Variants in PCDHGB4 observed in about 807,000 individuals in gnomAD.
PCDHGB4 encodes the protein protocadherin gamma-B4.
A neutral mutation model predicts 60.5 loss-of-function variants in PCDHGB4; 38 were observed. That is an observed-to-expected ratio of 0.63 (90% CI 0.48 to 0.82). The LOEUF (loss-of-function observed/expected upper bound fraction) is 0.82. Ranked by LOEUF, PCDHGB4 falls within the 40% of genes least tolerant of loss-of-function variation. The probability of loss-of-function intolerance (pLI) is 0.00; values close to 1 mark genes in which losing one functional copy is unlikely to be tolerated. For missense variants in PCDHGB4, 1,109 were observed against 1,209.6 expected (o/e 0.92, Z 1.23); for synonymous variants, 456 against 509.7 (o/e 0.89, Z 1.42).
intron 1 of PCDHGB4, chr5:141,415,086 G>C: frequency 5.6e-6 from 9 of 1,613,554 alleles, no homozygotes; most frequent in Non-Finnish European, 6.8e-6. Context: ...GAGCCCTGCT[G>C]GACAGAGACG....
intron 1 of PCDHGB4, chr5:141,405,038 G>C: frequency 6.2e-7 from 1 of 1,613,964 alleles, no homozygotes; most frequent in Non-Finnish European, 8.5e-7. Context: ...CCTCGTTGTG[G>C]CTGTGGCAGT....
chr5:141,471,444 A>T (rs1366430114), intron 1 of PCDHGB4: 1 of 152,150 alleles, frequency 6.6e-6, no homozygotes, highest in Non-Finnish European at 1.5e-5. Flanking sequence ...AATCTCATGT[A>T]CCTTTTGAAA....
rs926009065 is a variant in PCDHGB4, at chr5:141,488,023, AG to A, written c.2398-6782del. ...TCAGATTCTGAAGTACCTTAACTCT[AG>A]GTTACCATTTCCCAAGGGATTGAGG... On this transcript the variant is annotated intron_variant, in intron 1 of 3. Transcript: ENST00000519479. 1.4e-3 allele frequency among the ~76,000 whole-genome samples: 213 copies of A among 152,260 alleles called. 1 individual carries two copies. The highest frequency in any genetic ancestry group is 5.0e-3 in the African/African-American group (208 of 41,542).
chr5:141,426,276 C>A, intron 1 of PCDHGB4: 1 of 164,340 alleles, frequency 6.1e-6, no homozygotes, highest in South Asian at 1.6e-4. Context: ...TGCAGCAACG[C>A]ATGGGAAGGA....
rs2154532733 is a variant in PCDHGB4, at chr5:141,403,281, T to C, written c.2397+13000T>C. ...TGTCTGGTGAACTTTAAAGTCCTGGTTGAAGACAGAGTGAAACTGTACGGA... is the reference window on the plus strand; with the variant it reads ...TGTCTGGTGAACTTTAAAGTCCTGGCTGAAGACAGAGTGAAACTGTACGGA... On this transcript the variant is annotated intron_variant, in intron 1 of 3. Transcript: ENST00000519479. The C allele has an allele frequency of 2.5e-6, 4 of 1,613,908 alleles. No individual in the cohort carries two copies. Among genetic ancestry groups the C allele is most frequent in the African/African-American group, 1.3e-5 (1 of 75,080 alleles).
intron 1 of PCDHGB4, chr5:141,410,904 A>G (rs2095446600): frequency 3.8e-6 from 1 of 262,528 alleles, no homozygotes; most frequent in African/African-American, 3.2e-5. Flanking sequence ...CCTAGGCTGG[A>G]GTGCAGTGGC....
intron 1 of PCDHGB4, among the ~76,000 whole-genome samples, chr5:141,425,471 T>A (rs2096877403): frequency 6.6e-6 from 1 of 152,218 alleles, no homozygotes; most frequent in African/African-American, 2.4e-5. Flanking sequence ...TGTTATTAAT[T>A]CCTATGGCAA....
intron 1 of PCDHGB4, chr5:141,392,843 C>T (rs77141792): frequency 0.027 from 43,247 of 1,608,962 alleles, 854 homozygotes; most frequent in African/African-American, 0.093. Context: ...GCCCCAGACG[C>T]GGCGAGCTGA....
rs949391796 is a variant in PCDHGB4 at position 141,493,050 on chromosome 5, A to G, written c.2398-1757A>G. 6.6e-6 allele frequency among the ~76,000 whole-genome samples: 1 copy of G among 152,262 alleles called. No homozygotes were observed. The highest frequency in any genetic ancestry group is 2.4e-5 in the African/African-American group (1 of 41,464). On this transcript the variant is annotated intron_variant, in intron 1 of 3. Coordinates refer to ENST00000519479, the MANE Select transcript of PCDHGB4 (RefSeq NM_003736.4). The surrounding 1 kb of genome is among the most constrained non-coding windows in gnomAD (Gnocchi z 4.3). Reference sequence around the variant, plus strand: ...CCCTTATGTGTGAGGAAACTACAATAGTAAAAAACACAAGTTTCTCCAACT... The same window carrying G: ...CCCTTATGTGTGAGGAAACTACAATGGTAAAAAACACAAGTTTCTCCAACT...
rs1364415249 is a variant in PCDHGB4 at position 141,489,240 on chromosome 5, C to A, written c.2398-5567C>A. The stretch of plus-strand genomic sequence containing the variant: ...ACTCTCCACAAAGGGACTTCTGGGT[C>A]ATGGGGCCCAAGACACTCCCACAGC... On this transcript the variant is annotated intron_variant, in intron 1 of 3. Coordinates refer to ENST00000519479, the MANE Select transcript of PCDHGB4 (RefSeq NM_003736.4). The surrounding 1 kb of genome is among the most constrained non-coding windows in gnomAD (Gnocchi z 4.5). 1 of 1,534,136 alleles carries A rather than the reference C, an allele frequency of 6.5e-7. No individual in the cohort carries two copies. Among genetic ancestry groups the A allele is most frequent in the South Asian group, 1.3e-5 (1 of 76,896 alleles).
intron 1 of PCDHGB4, chr5:141,394,165 C>G (rs1228690548): frequency 6.2e-7 from 1 of 1,613,930 alleles, no homozygotes; most frequent in African/African-American, 1.3e-5. Flanking sequence ...AACCCTCCTA[C>G]TTTCCCTCAT....
At chr5:141,404,806 G>T (rs774487660) in intron 1 of PCDHGB4, 2 of 1,613,992 alleles carry the variant, frequency 1.2e-6, no homozygotes, top group South Asian at 1.1e-5. Context: ...GGCTCTTCTC[G>T]GTGGGGCTGC....
chr5:141,439,131 T>A (rs2098090046), intron 1 of PCDHGB4, among the ~76,000 whole-genome samples: 1 of 150,502 alleles, frequency 6.6e-6, no homozygotes, highest in Non-Finnish European at 1.5e-5. Flanking sequence ...AGACAGAGGT[T>A]GCAGTGAGCT....
At chr5:141,494,770 C>A (rs767006872) in intron 1 of PCDHGB4, 37 bp from the exon 2 acceptor site, 14 of 1,613,904 alleles carry the variant, frequency 8.7e-6, no homozygotes, top group Non-Finnish European at 1.1e-5. Flanking sequence ...TAACTTCTCA[C>A]GGGTACTCAG....
At chr5:141,422,963 C>T (rs372620011) in intron 1 of PCDHGB4, 43 of 1,614,120 alleles carry the variant, frequency 2.7e-5, no homozygotes, top group Middle Eastern at 1.6e-4. Context: ...GTGGAGCTGG[C>T]GCCCCGCTCT....
intron 1 of PCDHGB4, chr5:141,410,406 C>A (rs1361000460): frequency 6.2e-7 from 1 of 1,614,050 alleles, no homozygotes; most frequent in Non-Finnish European, 8.5e-7. Flanking sequence ...TGTGTCAAGT[C>A]TGGACCTGTA....
In PCDHGB4 at chr5:141,431,955, GA is replaced by G; in HGVS notation, c.2397+41677del. ...CCCTTTAAATTAGAAAAATCTTACG[GA>G]AATTACTATAGTTTAGTCACAGACA... On this transcript the variant is annotated intron_variant, in intron 1 of 3. Coordinates refer to ENST00000519479, the MANE Select transcript of PCDHGB4 (RefSeq NM_003736.4). The surrounding 1 kb of genome is among the most constrained non-coding windows in gnomAD (Gnocchi z 4.8). The G allele has an allele frequency of 6.2e-7, 1 of 1,614,142 alleles. No homozygotes were observed. Among genetic ancestry groups the G allele is most frequent in the Non-Finnish European group, 8.5e-7 (1 of 1,180,024 alleles).
intron 1 of PCDHGB4, chr5:141,398,627 T>C: frequency 6.2e-7 from 1 of 1,614,044 alleles, no homozygotes; most frequent in Non-Finnish European, 8.5e-7. Context: ...TTAAACTCTC[T>C]GCAGAAGTAT....
intron 1 of PCDHGB4, chr5:141,394,087 C>G (rs2092917292): frequency 6.2e-7 from 1 of 1,613,770 alleles, no homozygotes; most frequent in Admixed American, 1.7e-5. Flanking sequence ...GTGATGGCCT[C>G]AGATCTAGGA....
Sources: gnomAD v4.1 joint callset for allele counts (sites outside exome capture counted in the v4.1 genomes callset) on GRCh38, gnomAD v4.1.1 for gene constraint, Gnocchi (gnomAD v3.1) non-coding constraint, MANE v1.5 for transcripts, NCBI Gene and HGNC (gene_info 2026-07-23, HGNC 2026-07-21) for gene names.